RCBTB2: variants seen among roughly 807,000 people sequenced by gnomAD.
RCBTB2 encodes the protein RCC1 and BTB domain containing protein 2.
A neutral mutation model predicts 65.4 loss-of-function variants in RCBTB2; 55 were observed. The observed-to-expected ratio is 0.84, with a 90% CI of 0.68 to 1.05. RCBTB2 has a LOEUF of 1.05. Among genes scored for constraint, RCBTB2 ranks in the 50% least tolerant of loss-of-function variants. The pLI is 0.00. For synonymous variants in RCBTB2, 220 were observed against 255.2 expected (o/e 0.86, Z 1.31); for missense variants, 599 against 680.1 (o/e 0.88, Z 1.33).
chr13:48,517,177 T>A (rs773815438), intron 4 of RCBTB2, among the ~76,000 whole-genome samples: 1 of 152,184 alleles, frequency 6.6e-6, no homozygotes, highest in Non-Finnish European at 1.5e-5. Flanking sequence ...TTACCATGAA[T>A]TTCTCTGGGG....
Position 48,530,936 on chromosome 13 carries a change from G to A in RCBTB2, c.-219+2092C>T, listed in dbSNP as rs117638990. The stretch of plus-strand genomic sequence containing the variant: ...GCACGATAAAGAACGTTTTCTCCCA[G>A]AAGAACATTTATTTCTAAAACCCAG... On this transcript the variant is annotated intron_variant, in intron 1 of 14. Transcript: ENST00000344532. 5.8e-3 allele frequency among the ~76,000 whole-genome samples: 879 copies of A among 152,280 alleles called. 6 individuals are homozygous for A. The highest frequency in any genetic ancestry group is 0.01 in the Middle Eastern group (3 of 294).
chr13:48,532,364 T>C (rs1952184351), intron 1 of RCBTB2: 2 of 152,358 alleles, frequency 1.3e-5, no homozygotes, highest in Admixed American at 1.3e-4. Flanking sequence ...GCGCTATTCC[T>C]GGACATCAGG....
In RCBTB2 at chr13:48,515,656, T is replaced by C; in HGVS notation, c.128A>G (p.Gln43Arg). Residue 43 changes from glutamine to arginine, a missense_variant, in exon 5 of 15, where the codon CAG (glutamine) becomes CGG (arginine). Transcript: ENST00000344532. ...IFSLCSEEEL[Q>R]LIRQACVFGS... ...AAAGACACAAGCCTGACGAATTAAC[T>C]GTAGTTCTTCTTCAGAACAAAGGGA... The C allele has an allele frequency of 1.2e-6, 2 of 1,614,026 alleles. No individual in the cohort carries two copies. The highest frequency in any genetic ancestry group is 1.7e-6 in the Non-Finnish European group (2 of 1,179,890).
chr13:48,505,031 G>A (rs2138484532), intron 10 of RCBTB2, among the ~76,000 whole-genome samples: 1 of 151,724 alleles, frequency 6.6e-6, no homozygotes, highest in African/African-American at 2.4e-5. Context: ...TCAAACCTAG[G>A]TTTGTTTTTT....
intron 12 of RCBTB2, among the ~76,000 whole-genome samples, chr13:48,500,302 G>A (rs1395267128): frequency 2.6e-5 from 4 of 152,232 alleles, no homozygotes; most frequent in Non-Finnish European, 4.4e-5. Flanking sequence ...GCTCACGCCT[G>A]TAATCCCAGC....
At chr13:48,532,929 G>A (rs993159623) in intron 1 of RCBTB2, 99 bp downstream of exon 1, 1 of 450,746 alleles carries the variant, frequency 2.2e-6, no homozygotes, top group Non-Finnish European at 4.5e-6. Flanking sequence ...CGGGCCGCAG[G>A]GGCGGGGAGG....
At chr13:48,533,986 A>G (rs543338427), upstream of RCBTB2, among the ~76,000 whole-genome samples, 9 of 152,334 alleles carry the variant, frequency 5.9e-5, no homozygotes, top group Middle Eastern at 3.4e-3. Context: ...TGACCGTGTC[A>G]GTCTGTTTCG....
At chr13:48,528,489 G>C (rs759696213) in intron 1 of RCBTB2, among the ~76,000 whole-genome samples, 5 of 152,068 alleles carry the variant, frequency 3.3e-5, no homozygotes, top group Admixed American at 6.5e-5. Flanking sequence ...ATAATCAAAA[G>C]AAACAGGAAA....
intron 4 of RCBTB2, among the ~76,000 whole-genome samples, chr13:48,517,995 C>CAG (rs1951189350): frequency 6.6e-6 from 1 of 152,164 alleles, no homozygotes. Flanking sequence ...ACAACAGACA[C>CAG]AGGGACTGCA....
At chr13:48,502,058 C>A (rs1026375006) in intron 11 of RCBTB2, among the ~76,000 whole-genome samples, 190 bp from the exon 12 acceptor site, 5 of 152,180 alleles carry the variant, frequency 3.3e-5, no homozygotes, top group African/African-American at 1.2e-4. Flanking sequence ...AAGAATCTCA[C>A]AAATATCTGC....
At chr13:48,527,992 G>A (rs570548477) in intron 1 of RCBTB2, among the ~76,000 whole-genome samples, 20 of 152,256 alleles carry the variant, frequency 1.3e-4, no homozygotes, top group Admixed American at 8.5e-4. Flanking sequence ...GCTACACAAT[G>A]TGTTATATTA....
intron 1 of RCBTB2, among the ~76,000 whole-genome samples, chr13:48,525,345 A>G (rs1208142953): frequency 7.0e-6 from 1 of 143,878 alleles, no homozygotes; most frequent in Admixed American, 7.0e-5. Flanking sequence ...AACAAACGAC[A>G]CAATTCAAAA....
At chr13:48,499,973 A>G (rs907139749) in intron 12 of RCBTB2, among the ~76,000 whole-genome samples, 7 of 152,230 alleles carry the variant, frequency 4.6e-5, no homozygotes, top group East Asian at 3.8e-4. Context: ...AGCAGCCCCA[A>G]TGGCCGTGCT....
At chr13:48,506,873 T>A (rs982097525) in intron 10 of RCBTB2, among the ~76,000 whole-genome samples, 2 of 152,232 alleles carry the variant, frequency 1.3e-5, no homozygotes, top group South Asian at 4.1e-4. Context: ...TTTGGGGTAA[T>A]GTTCTATGAA....
intron 4 of RCBTB2, among the ~76,000 whole-genome samples, chr13:48,516,172 C>T (rs1211860683): frequency 2.6e-5 from 4 of 152,084 alleles, no homozygotes; most frequent in African/African-American, 7.2e-5. Flanking sequence ...TAAAGAACAA[C>T]GCTGAAAGTG....
intron 1 of RCBTB2, among the ~76,000 whole-genome samples, chr13:48,525,373 G>GATATAT (rs59350616): frequency 3.5e-4 from 19 of 54,518 alleles, no homozygotes; most frequent in Admixed American, 1.2e-3. Flanking sequence ...AAGGATTCAT[G>GATATAT]ATATATATAT....
At chr13:48,533,523 G>T (rs904642364), upstream of RCBTB2, among the ~76,000 whole-genome samples, 1 of 152,104 alleles carries the variant, frequency 6.6e-6, no homozygotes, top group African/African-American at 2.4e-5. Flanking sequence ...TGGGGGCTCC[G>T]ATCACTTCAC....
chr13:48,532,963 G>T lies in RCBTB2; in HGVS notation c.-219+65C>A, dbSNP rs1952257948. The T allele has an allele frequency of 1.1e-5, 5 of 455,296 alleles. No homozygotes were observed. In the Admixed American group the frequency reaches 1.2e-4, roughly 11 times the overall value. The allele number at this position is 455,296 out of a possible 1,614,324, so 28.2% of individuals were successfully genotyped here. A position where few individuals can be genotyped will look rare whatever the true frequency, so the allele number is the denominator to read the frequency against. On this transcript the variant is annotated intron_variant, in intron 1 of 14. Transcript: ENST00000344532. ...GGGGTGGCCTGCCCCAGTGGTACCT[G>T]ACAGCATCCCACGTCACGGCCGCGA...
rs146073971 is a variant in RCBTB2 at position 48,509,694 on chromosome 13, G to T, written c.926+935C>A. Among the ~76,000 whole-genome samples the T allele has an allele frequency of 2.3e-3, 351 of 152,260 alleles. 1 individual carries two copies. Among genetic ancestry groups the T allele is most frequent in the Non-Finnish European group, 4.0e-3 (275 of 68,006 alleles). ...GTTAAATAAAACTTTTAAAACATAGGTTAAAGAAAGTCAGCCAAGTTCACA... is the reference window on the plus strand; with the variant it reads ...GTTAAATAAAACTTTTAAAACATAGTTTAAAGAAAGTCAGCCAAGTTCACA... On this transcript the variant is annotated intron_variant, in intron 10 of 14. Coordinates refer to ENST00000344532, the MANE Select transcript of RCBTB2 (RefSeq NM_001268.4).
Sources: gnomAD v4.1 joint callset for allele counts (sites outside exome capture counted in the v4.1 genomes callset) on GRCh38, gnomAD v4.1.1 for gene constraint, MANE v1.5 for transcripts, NCBI Gene and HGNC (gene_info 2026-07-23, HGNC 2026-07-21) for gene names.